PFKL: variants seen among roughly 807,000 people sequenced by gnomAD.
The protein encoded by PFKL is ATP-dependent 6-phosphofructokinase, liver type.
In PFKL, 74 loss-of-function variants were observed where a neutral mutation model predicts 92.1. The observed-to-expected ratio is 0.80, with a 90% confidence interval of 0.67 to 0.97. PFKL has a LOEUF of 0.97. Ranked by LOEUF, PFKL falls within the 50% of genes least tolerant of loss-of-function variation. PFKL has a pLI of 0.00. For missense variants in PFKL, 1,028 were observed against 1,116.6 expected (o/e 0.92, Z 1.13); for synonymous variants, 494 against 456.4 (o/e 1.08, Z -1.05).
intron 20 of PFKL, 42 bp from the exon 21 acceptor site, chr21:44,326,117 A>G (rs1428636694): frequency 3.1e-6 from 5 of 1,604,950 alleles, no homozygotes; most frequent in Non-Finnish European, 4.3e-6. Context: ...TCCCTGGGGC[A>G]GGGCCTCACC....
rs796767007 is a variant in PFKL, at chr21:44,325,284, C to T, written c.1989+20C>T. Reference sequence around the variant, plus strand: ...CAGCAGGTGTGGGGCAGGGGTGAGGCTCTGAGAGGCCTGCCCCTCTTTCCT... The same window carrying T: ...CAGCAGGTGTGGGGCAGGGGTGAGGTTCTGAGAGGCCTGCCCCTCTTTCCT... On this transcript the variant is annotated intron_variant, in intron 19 of 21. Coordinates refer to ENST00000349048, the MANE Select transcript of PFKL (RefSeq NM_002626.6). 1.3e-5 allele frequency: 19 copies of T among 1,452,928 alleles called. No individual in the cohort carries two copies. The African/African-American group carries it at 2.1e-4, about 16-fold the overall frequency. 90.0% of individuals were successfully genotyped at this position (1,452,928 alleles called of 1,614,324 possible).
rs1476332161 is a variant in PFKL, at chr21:44,318,526, G to A, written c.993G>A (p.Thr331=). ...VMALLEATPD[T]PACVVTLSGN... ...CGCTGCTGGAAGCCACGCCTGACACGCCGGCCTGCGTGGTCACCCTCTCGG... is the reference window on the plus strand; with the variant it reads ...CGCTGCTGGAAGCCACGCCTGACACACCGGCCTGCGTGGTCACCCTCTCGG... The change falls in exon 10 of 22, where the codon ACG becomes ACA. Residue 331 remains threonine (T), a synonymous_variant. Coordinates refer to ENST00000349048, the MANE Select transcript of PFKL (RefSeq NM_002626.6). The A allele has an allele frequency of 3.8e-6, 6 of 1,577,792 alleles. No homozygotes were observed. The highest frequency in any genetic ancestry group is 4.7e-5 in the East Asian group (2 of 42,582).
rs766366498 is a variant in PFKL at position 44,325,937 on chromosome 21, G to GA, written c.1990-22dup. ...CCCAGGCAGCCCAGGGGAGTCCAGG[G>GA]AACCGGGCCTCACCTGTTTCCAGGG... is the stretch of plus-strand genomic sequence containing the variant. On this transcript the variant is annotated intron_variant, in intron 19 of 21. Coordinates refer to ENST00000349048, the MANE Select transcript of PFKL (RefSeq NM_002626.6). The GA allele has an allele frequency of 8.2e-6, 13 of 1,588,258 alleles. No individual in the cohort carries two copies. The East Asian group carries it at 2.9e-4, about 36-fold the overall frequency.
chr21:44,323,998 G>T, intron 16 of PFKL, 80 bp downstream of exon 16: 1 of 1,540,514 alleles, frequency 6.5e-7, no homozygotes, highest in Non-Finnish European at 8.9e-7. Flanking sequence ...TGCTGGAGGG[G>T]ATAGTGTGTG....
intron 7 of PFKL, chr21:44,315,916 A>C: frequency 2.7e-6 from 1 of 372,650 alleles, no homozygotes; most frequent in East Asian, 6.1e-5. Context: ...CCCGCCTGGA[A>C]GGCTTCACCA....
intron 1 of PFKL, 62 bp downstream of exon 1, chr21:44,300,252 C>A: frequency 1.2e-6 from 1 of 806,862 alleles, no homozygotes; most frequent in Non-Finnish European, 1.5e-6. Flanking sequence ...GCCCTGGCCT[C>A]TCCGGAGCGC....
intron 12 of PFKL, chr21:44,320,359 T>C (rs2047326453): frequency 6.0e-6 from 3 of 503,680 alleles, no homozygotes; most frequent in Non-Finnish European, 1.1e-5. Flanking sequence ...GCTGCAGGGC[T>C]GGCTGTTGCT....
In PFKL at chr21:44,311,043, A is replaced by G. The variant is rs1433758461; in HGVS notation, c.197A>G (p.Lys66Arg). ...CTCGTGGAGGGAGGTGAGAACATCAAGCAGGCCAACTGGCTGAGCGTCTCC... is the reference window on the plus strand; with the variant it reads ...CTCGTGGAGGGAGGTGAGAACATCAGGCAGGCCAACTGGCTGAGCGTCTCC... ...EGLVEGGENIKQANWLSVSNI... is the reference protein window; with the variant it reads ...EGLVEGGENIRQANWLSVSNI... The change falls in exon 3 of 22, where the codon AAG becomes AGG. Residue 66 changes from lysine (K) to arginine (R), a missense_variant. Lys to Arg is a conservative substitution (Grantham distance 26). Transcript: ENST00000349048. 8 of 1,613,090 alleles carry G rather than the reference A, an allele frequency of 5.0e-6. No homozygotes were observed. In the Admixed American group the frequency reaches 6.7e-5, roughly 13 times the overall value.
intron 19 of PFKL, chr21:44,325,532 C>T (rs1437423804): frequency 2.7e-5 from 15 of 555,632 alleles, no homozygotes; most frequent in South Asian, 4.1e-5. Flanking sequence ...AGGCCTCCCG[C>T]GGCCACTTCC....
At chr21:44,312,527 G>A (rs2047077877) in intron 4 of PFKL, among the ~76,000 whole-genome samples, 1 of 152,226 alleles carries the variant, frequency 6.6e-6, no homozygotes, top group Non-Finnish European at 1.5e-5. Flanking sequence ...CAGTGCATGG[G>A]GCTGGTGGAG....
chr21:44,323,210 C>T (rs974913683), intron 15 of PFKL, among the ~76,000 whole-genome samples, 161 bp downstream of exon 15: 8 of 151,520 alleles, frequency 5.3e-5, no homozygotes, highest in East Asian at 1.9e-4. Flanking sequence ...GGAGGGCACC[C>T]GTGTGCCAGC....
rs746931995 is a variant in PFKL at position 44,320,071 on chromosome 21, G to A, written c.1128-13G>A. The stretch of plus-strand genomic sequence containing the variant: ...TGCAGGGCTGTGCATGGTGTGACCC[G>A]AATCCCTTCCAGGAGCTTCGAGAAC... On this transcript the variant is annotated splice_polypyrimidine_tract_variant and intron_variant, in intron 11 of 21. Transcript: ENST00000349048. The A allele has an allele frequency of 5.8e-5, 94 of 1,612,526 alleles. No homozygotes were observed. Among genetic ancestry groups the A allele is most frequent in the Non-Finnish European group, 7.0e-5 (83 of 1,179,256 alleles).
In PFKL at chr21:44,326,119, G is replaced by A. The variant is rs780699890; in HGVS notation, c.2090-40G>A. 6 of 1,605,984 alleles carry A rather than the reference G, an allele frequency of 3.7e-6. No individual in the cohort carries two copies. The Admixed American group carries it at 6.7e-5, about 18-fold the overall frequency. On this transcript the variant is annotated intron_variant, in intron 20 of 21. Transcript: ENST00000349048. ...GCCCTCCCCTGGCTCCCTGGGGCAG[G>A]GCCTCACCATGGAGGGCTGCCACGT...
At chr21:44,305,503 C>A in intron 1 of PFKL, 1 of 1,177,322 alleles carries the variant, frequency 8.5e-7, no homozygotes, top group Non-Finnish European at 1.1e-6. Context: ...AGAGGACCCG[C>A]ATGGCTTAGG....
At chr21:44,322,769 G>A (rs928271829) in intron 14 of PFKL, among the ~76,000 whole-genome samples, 193 bp from the exon 15 acceptor site, 1 of 152,240 alleles carries the variant, frequency 6.6e-6, no homozygotes, top group Non-Finnish European at 1.5e-5. Flanking sequence ...GTGATGCTGA[G>A]TGGTGCCCAG....
intron 3 of PFKL, 82 bp downstream of exon 3, chr21:44,311,165 C>G (rs373498176): frequency 9.7e-7 from 1 of 1,027,242 alleles, no homozygotes. Context: ...CACAGACACA[C>G]ACACAGAGAC....
chr21:44,322,020 T>A, intron 13 of PFKL, 113 bp from the exon 14 acceptor site: 5 of 1,454,250 alleles, frequency 3.4e-6, no homozygotes, highest in Non-Finnish European at 4.6e-6. Context: ...GGTACTCAGC[T>A]CTGCCTGCAG....
chr21:44,309,914 C>T (rs2041065866), intron 2 of PFKL, among the ~76,000 whole-genome samples: 1 of 152,236 alleles, frequency 6.6e-6, no homozygotes, highest in Admixed American at 6.5e-5. Context: ...TGGGGATGTT[C>T]ATGCGCCCCG....
chr21:44,313,015 C>T lies in PFKL; in HGVS notation c.465C>T (p.His155=). 6.2e-7 allele frequency: 1 copy of T among 1,613,164 alleles called. No individual in the cohort carries two copies. Among genetic ancestry groups the T allele is most frequent in the Non-Finnish European group, 8.5e-7 (1 of 1,179,932 alleles). Residue 155 remains histidine, a synonymous_variant, in exon 5 of 22, where the codon CAC becomes CAT. Transcript: ENST00000349048. ...AGACTACAGCCCGGACCTACTCGCACCTGAACATCGCGGGCCTAGTGGGCT... is the reference window on the plus strand; with the variant it reads ...AGACTACAGCCCGGACCTACTCGCATCTGAACATCGCGGGCCTAGTGGGCT... ...ISETTARTYS[H]LNIAGLVGSI...
Sources: gnomAD v4.1 joint callset for allele counts (sites outside exome capture counted in the v4.1 genomes callset) on GRCh38, gnomAD v4.1.1 for gene constraint, MANE v1.5 for transcripts, NCBI Gene and HGNC (gene_info 2026-07-23, HGNC 2026-07-21) for gene names.